Variants in SORCS1 observed in about 807,000 individuals in gnomAD.
SORCS1 encodes sortilin related VPS10 domain containing receptor 1, also known as VPS10 domain-containing receptor SorCS1.
SORCS1 carries 60 observed loss-of-function variants against 146.1 expected under a neutral mutation model. The ratio of observed to expected loss-of-function variants is 0.41; its 90% confidence interval spans 0.33 to 0.51. The LOEUF (loss-of-function observed/expected upper bound fraction) is 0.51. Among genes scored for constraint, SORCS1 ranks in the 20% least tolerant of loss-of-function variants. The pLI, the probability that SORCS1 is intolerant of heterozygous loss-of-function variation, is 0.21. For synonymous variants in SORCS1, 637 were observed against 584.0 expected (o/e 1.09, Z -1.31); for missense variants, 1,352 against 1,487.6 (o/e 0.91, Z 1.50).
At chr10:106,679,570 A>C in intron 11 of SORCS1, 62 bp downstream of exon 11, 1 of 1,361,282 alleles carries the variant, frequency 7.3e-7, no homozygotes, top group Non-Finnish European at 1.0e-6. Flanking sequence ...CCAAGTACAG[A>C]TATCTAGCTT....
chr10:107,148,812 G>A (rs549375942), intron 1 of SORCS1, among the ~76,000 whole-genome samples: 3 of 152,258 alleles, frequency 2.0e-5, no homozygotes, highest in African/African-American at 7.2e-5. Flanking sequence ...CAAGGCTTAG[G>A]TGATTGGAAG....
At chr10:107,121,758 T>C (rs1234520899) in intron 1 of SORCS1, among the ~76,000 whole-genome samples, 2 of 152,208 alleles carry the variant, frequency 1.3e-5, no homozygotes, top group Non-Finnish European at 2.9e-5. Context: ...ATTATTTTCT[T>C]GTGTATGCAT....
intron 5 of SORCS1, among the ~76,000 whole-genome samples, chr10:106,746,599 A>G (rs974676814): frequency 2.0e-5 from 3 of 152,224 alleles, no homozygotes; most frequent in African/African-American, 7.2e-5. Context: ...CATTTTTCAA[A>G]AAAGTGTTAA....
At chr10:106,781,122 C>A (rs1164942872) in intron 3 of SORCS1, among the ~76,000 whole-genome samples, 1 of 152,062 alleles carries the variant, frequency 6.6e-6, no homozygotes, top group Admixed American at 6.5e-5. Context: ...GCTTTCTGAT[C>A]CTTCCAGTTG....
chr10:107,113,708 A>G (rs942741125), intron 1 of SORCS1, among the ~76,000 whole-genome samples: 3 of 149,932 alleles, frequency 2.0e-5, no homozygotes, highest in African/African-American at 2.5e-5. Flanking sequence ...AAAAAAAAAA[A>G]GGAAAAGAAA....
intron 3 of SORCS1, among the ~76,000 whole-genome samples, chr10:106,820,818 G>A (rs1947985731): frequency 6.6e-6 from 1 of 152,094 alleles, no homozygotes; most frequent in African/African-American, 2.4e-5. Flanking sequence ...GAAACCACAG[G>A]GAGTGTGCTG....
chr10:106,771,082 T>C (rs1478493333), intron 4 of SORCS1, among the ~76,000 whole-genome samples: 1 of 152,232 alleles, frequency 6.6e-6, no homozygotes, highest in African/African-American at 2.4e-5. Flanking sequence ...ACAGCGTTCA[T>C]GTTGGTTTCA....
At chr10:106,896,311 C>T (rs1951473533) in intron 2 of SORCS1, among the ~76,000 whole-genome samples, 1 of 151,666 alleles carries the variant, frequency 6.6e-6, no homozygotes, top group African/African-American at 2.4e-5. Flanking sequence ...TGCCTGTGAT[C>T]CTAGCTACTC....
chr10:106,761,138 C>A (rs905095646), intron 5 of SORCS1, among the ~76,000 whole-genome samples: 1 of 151,866 alleles, frequency 6.6e-6, no homozygotes, highest in Non-Finnish European at 1.5e-5. Context: ...AAGGAGAAGG[C>A]CTACAAGATC....
At chr10:106,625,361 GAAGA>G (rs1848039386) in intron 19 of SORCS1, among the ~76,000 whole-genome samples, 1 of 152,022 alleles carries the variant, frequency 6.6e-6, no homozygotes. Context: ...AAAGCTACTA[GAAGA>G]AATAAGAATG....
At chr10:106,643,798 C>A (rs1849229053) in intron 18 of SORCS1, among the ~76,000 whole-genome samples, 1 of 152,236 alleles carries the variant, frequency 6.6e-6, no homozygotes, top group African/African-American at 2.4e-5. Flanking sequence ...CAGAGTTGAA[C>A]AGATGAGAAC....
At chr10:106,638,630 G>C (rs774809021) in intron 18 of SORCS1, among the ~76,000 whole-genome samples, 1 of 152,070 alleles carries the variant, frequency 6.6e-6, no homozygotes, top group Non-Finnish European at 1.5e-5. Context: ...TTTATACCTA[G>C]TATCACTTGG....
At chr10:107,001,249 G>A (rs2139615981) in intron 1 of SORCS1, among the ~76,000 whole-genome samples, 1 of 152,260 alleles carries the variant, frequency 6.6e-6, no homozygotes, top group East Asian at 1.9e-4. Flanking sequence ...GGTTATGTTG[G>A]GCTGGTGCCA....
chr10:106,904,855 C>T (rs912774237), intron 2 of SORCS1, among the ~76,000 whole-genome samples: 2 of 151,956 alleles, frequency 1.3e-5, no homozygotes, highest in South Asian at 2.1e-4. Flanking sequence ...AGTCAAATTA[C>T]GTAATTAAAC....
intron 16 of SORCS1, among the ~76,000 whole-genome samples, chr10:106,668,618 T>C (rs1036348348): frequency 2.0e-5 from 3 of 152,014 alleles, no homozygotes; most frequent in African/African-American, 7.2e-5. Context: ...GGCCCATCTG[T>C]GTAATGGAGG....
At chr10:107,133,783 A>C (rs747372839) in intron 1 of SORCS1, among the ~76,000 whole-genome samples, 2 of 152,190 alleles carry the variant, frequency 1.3e-5, no homozygotes, top group Non-Finnish European at 2.9e-5. Flanking sequence ...AAATGTGCCA[A>C]CCAAAAACAA....
intron 6 of SORCS1, among the ~76,000 whole-genome samples, chr10:106,724,809 A>G (rs547770225): frequency 6.6e-6 from 1 of 152,370 alleles, no homozygotes; most frequent in African/African-American, 2.4e-5. Flanking sequence ...AAATATGTGA[A>G]CACACTAAAA....
At chr10:107,074,892 T>G (rs1962752076) in intron 1 of SORCS1, among the ~76,000 whole-genome samples, 1 of 152,182 alleles carries the variant, frequency 6.6e-6, no homozygotes, top group Non-Finnish European at 1.5e-5. Context: ...TTTTAAGAGT[T>G]CTTTGTAAAT....
At chr10:107,064,003 C>T (rs1016264776) in intron 1 of SORCS1, among the ~76,000 whole-genome samples, 59 of 152,246 alleles carry the variant, frequency 3.9e-4, no homozygotes, top group Non-Finnish European at 1.0e-4. Flanking sequence ...CTCATTGAGT[C>T]GAAAGACATT....
Sources: allele counts gnomAD v4.1 joint callset (sites outside exome capture counted in the v4.1 genomes callset), GRCh38; gene constraint gnomAD v4.1.1; transcripts MANE v1.5; gene names NCBI Gene and HGNC (gene_info 2026-07-23, HGNC 2026-07-21).